The following RHBDF1 variants were observed in gnomAD, a reference collection of about 807,000 sequenced individuals.
RHBDF1 encodes inactive rhomboid protein 1.
A neutral mutation model predicts 98.6 loss-of-function variants in RHBDF1; 80 were observed. The ratio of observed to expected loss-of-function variants is 0.81; its 90% CI spans 0.68 to 0.98. The LOEUF is 0.98. Among genes scored for constraint, RHBDF1 ranks in the 50% least tolerant of loss-of-function variants. The pLI is 0.00. For synonymous variants in RHBDF1, 512 were observed against 486.8 expected, an observed-to-expected ratio of 1.05 and a Z score of -0.68; for missense variants, 1,116 against 1,198.3, an observed-to-expected ratio of 0.93 and a Z score of 1.01.
chr16:72,385 C>T (rs1897996696), intron 1 of RHBDF1, 128 bp downstream of exon 1: 1 of 347,620 alleles, frequency 2.9e-6, no homozygotes, highest in Non-Finnish European at 4.1e-6. Flanking sequence ...CCGGCCCCGG[C>T]CCCGACACGG....
chr16:72,528 C>A lies in RHBDF1; in HGVS notation c.-40G>T. The A allele has an allele frequency of 1.2e-6, 1 of 831,122 alleles. No homozygotes were observed. Among genetic ancestry groups the A allele is most frequent in the South Asian group, 6.1e-5 (1 of 16,488 alleles). 51.5% of individuals were successfully genotyped at this position (831,122 alleles called of 1,614,324 possible). ...GCTCACTCACTGCCGCCGCCGGGGG[C>A]TCTGGGGGGTCCTGAGGGCGCCGGG... On this transcript the variant is annotated 5_prime_UTR_variant, in exon 1 of 18. Coordinates refer to ENST00000262316, the MANE Select transcript of RHBDF1 (RefSeq NM_022450.5).
chr16:62,972 C>T lies in RHBDF1; in HGVS notation c.672+1G>A, dbSNP rs766038326. On this transcript the variant is annotated splice_donor_variant, in intron 5 of 17. Coordinates refer to ENST00000262316, the MANE Select transcript of RHBDF1 (RefSeq NM_022450.5). LOFTEE classifies it high-confidence loss of function. ...ACCCCGCCTTTGGCCCCTGCACCCA[C>T]TTTCATCAGCGCTGCGGCCGCCCGG... is the stretch of plus-strand genomic sequence containing the variant. 1 of 1,612,094 alleles carries T rather than the reference C, an allele frequency of 6.2e-7. No homozygotes were observed. The highest frequency in any genetic ancestry group is 8.5e-7 in the Non-Finnish European group (1 of 1,179,286).
rs757531797 is a variant in RHBDF1, at chr16:62,905, C to G, written c.673-8G>C. 1.2e-6 allele frequency: 2 copies of G among 1,613,560 alleles called. No individual in the cohort carries two copies. Among genetic ancestry groups the G allele is most frequent in the South Asian group, 1.1e-5 (1 of 91,092 alleles). On this transcript the variant is annotated splice_polypyrimidine_tract_variant and splice_region_variant and intron_variant, in intron 5 of 17. Transcript: ENST00000262316. ...ATCCCTAACGGAGCGGCCCTGGGGA[C>G]GGGGAAGTGAGCATGAGACCCGGCT...
At position 60,257 on chromosome 16, in the gene RHBDF1, C is replaced by T. The variant is rs199726299; in HGVS notation, c.1681G>A (p.Glu561Lys). The change falls in exon 13 of 18, where the codon GAA (glutamate) becomes AAA (lysine). Residue 561 changes from glutamate (E) to lysine (K), a missense_variant. Physicochemically the swap from Glu to Lys is moderately conservative, Grantham distance 56 (BLOSUM62 1). Transcript: ENST00000262316. ...TCTTCTGGCCACTCATGAGGGTCTT[C>T]GGAGGAGGGCTCATCACACACCCTG... ...DPRVCDEPSS[E>K]DPHEWPEDIT... 9.9e-6 allele frequency: 16 copies of T among 1,614,032 alleles called. No homozygotes were observed. Among genetic ancestry groups the T allele is most frequent in the African/African-American group, 1.3e-5 (1 of 75,028 alleles).
At position 63,620 on chromosome 16, in the gene RHBDF1, G is replaced by A; in HGVS notation, c.429C>T (p.Leu143=). ...TGCCCAGCTGGCATGGCCCCACGTA[G>A]AGTGGGGGTGGCGTCTCGGTGCTGG... ...SLTSTETPPP[L]YVGPCQLGMQ... The change falls in exon 4 of 18, where the codon CTC becomes CTT. Residue 143 remains leucine (L), a synonymous_variant. Transcript: ENST00000262316. 1.3e-6 allele frequency: 2 copies of A among 1,585,928 alleles called. No individual in the cohort carries two copies. The highest frequency in any genetic ancestry group is 1.1e-5 in the South Asian group (1 of 88,194).
At chr16:68,232 C>T (rs776388636) in intron 1 of RHBDF1, among the ~76,000 whole-genome samples, 15 of 152,232 alleles carry the variant, frequency 9.9e-5, no homozygotes, top group Non-Finnish European at 2.2e-4. Flanking sequence ...AGTTATAGGT[C>T]CTGCGGGTGG....
chr16:58,479 A>G lies in RHBDF1; in HGVS notation c.2429T>C (p.Val810Ala). ...KRCQIIIFQV[V>A]FLGLLAGLVV... is the part of the protein sequence containing the mutation. ...CAGGCCAGCCAGGAGGCCCAGGAAG[A>G]CCACCTGAAAGATGATGATCTGGCA... is the stretch of plus-strand genomic sequence containing the variant. Residue 810 changes from valine (V) to alanine (A), a missense_variant, in exon 18 of 18, where the codon GTC becomes GCC. Coordinates refer to ENST00000262316, the MANE Select transcript of RHBDF1 (RefSeq NM_022450.5). 6.2e-7 allele frequency: 1 copy of G among 1,614,112 alleles called. No individual in the cohort carries two copies. The highest frequency in any genetic ancestry group is 8.5e-7 in the Non-Finnish European group (1 of 1,180,034).
In RHBDF1 at chr16:63,579, AGGCATACCTTC is replaced by A; in HGVS notation, c.459_462+7del. On this transcript the variant is annotated splice_donor_variant and splice_donor_5th_base_variant and coding_sequence_variant and intron_variant, in exon 4 of 18. Coordinates refer to ENST00000262316, the MANE Select transcript of RHBDF1 (RefSeq NM_022450.5). LOFTEE classifies it high-confidence loss of function. ...GGGCCTGCAGGAGGCAGCAACAGGC[AGGCATACCTTC>A]TGCATGCCCAGCTGGCATGGCCCCA... The A allele has an allele frequency of 6.5e-7, 1 of 1,533,330 alleles. No individual in the cohort carries two copies. Among genetic ancestry groups the A allele is most frequent in the Non-Finnish European group, 8.8e-7 (1 of 1,140,292 alleles). The allele number at this position is 1,533,330 out of a possible 1,614,324, so 95.0% of individuals were successfully genotyped here. A position where few individuals can be genotyped will look rare whatever the true frequency, so the allele number is the denominator to read the frequency against.
In RHBDF1 at chr16:63,044, G is replaced by T; in HGVS notation, c.601C>A (p.Arg201=). 1 of 1,612,884 alleles carries T rather than the reference G, an allele frequency of 6.2e-7. No homozygotes were observed. Among genetic ancestry groups the T allele is most frequent in the Non-Finnish European group, 8.5e-7 (1 of 1,179,826 alleles). ...SFSSSRSGFH[R]LPRRRKRESV... is the part of the protein sequence containing the mutation. ...TCTCGCTTGCGCCGCCGCGGGAGCCGGTGGAAACCTGAGCGGGAGCTGGAG... is the reference window on the plus strand; with the variant it reads ...TCTCGCTTGCGCCGCCGCGGGAGCCTGTGGAAACCTGAGCGGGAGCTGGAG... Residue 201 remains arginine (R), a synonymous_variant, in exon 5 of 18, where the codon CGG becomes AGG. Transcript: ENST00000262316.
chr16:61,249 C>A lies in RHBDF1; in HGVS notation c.1428G>T (p.Ser476=). 1 of 1,545,114 alleles carries A rather than the reference C, an allele frequency of 6.5e-7. No individual in the cohort carries two copies. Among genetic ancestry groups the A allele is most frequent in the Admixed American group, 2.0e-5 (1 of 50,804 alleles). The part of the protein sequence containing the change: ...EALIHLGAKF[S]PCMRQDPQVH... ...CCTGCGGGTCCTGGCGCATGCAGGG[C>A]GAAAACTTGGCGCCCAGGTGGATGA... Residue 476 remains serine (S), a synonymous_variant, in exon 11 of 18, where the codon TCG becomes TCT. Transcript: ENST00000262316.
Position 58,061 on chromosome 16 carries a change from A to G in RHBDF1, c.*279T>C. 1 of 363,368 alleles carries G rather than the reference A, an allele frequency of 2.8e-6. No individual in the cohort carries two copies. Among genetic ancestry groups the G allele is most frequent in the Non-Finnish European group, 5.0e-6 (1 of 199,522 alleles). The allele number at this position is 363,368 out of a possible 1,614,324, so 22.5% of individuals were successfully genotyped here. On this transcript the variant is annotated 3_prime_UTR_variant, in exon 18 of 18. Coordinates refer to ENST00000262316, the MANE Select transcript of RHBDF1 (RefSeq NM_022450.5). ...AAAGAAGGATAGGGAAGCCCTGGTC[A>G]AGTTAATGGCAGCTAAAACGCTCCC...
rs1317124388 is a variant in RHBDF1 at position 60,197 on chromosome 16, C to T, written c.1722+19G>A. The T allele has an allele frequency of 6.2e-7, 1 of 1,607,190 alleles. No homozygotes were observed. Among genetic ancestry groups the T allele is most frequent in the Non-Finnish European group, 8.5e-7 (1 of 1,174,590 alleles). ...CATGACACGGAGGGCTCCCTAACAA[C>T]CCCCCCACTGCAGCTCACCGGCCAC... On this transcript the variant is annotated intron_variant, in intron 13 of 17. Coordinates refer to ENST00000262316, the MANE Select transcript of RHBDF1 (RefSeq NM_022450.5).
chr16:59,298 C>T lies in RHBDF1; in HGVS notation c.1945G>A (p.Val649Met). 1 of 1,611,664 alleles carries T rather than the reference C, an allele frequency of 6.2e-7. No homozygotes were observed. Among genetic ancestry groups the T allele is most frequent in the East Asian group, 2.2e-5 (1 of 44,876 alleles). ...CACAGGCGGTAGAACTGGTCAGGCA[C>T]CTCGGGGTTGAGAAAAGGCAGGAGC... The part of the protein sequence containing the change: ...CGLLPFLNPE[V>M]PDQFYRLWLS... The change falls in exon 16 of 18, where the codon GTG becomes ATG. Residue 649 changes from valine to methionine, a missense_variant. Coordinates refer to ENST00000262316, the MANE Select transcript of RHBDF1 (RefSeq NM_022450.5).
rs1400096760 is a variant in RHBDF1 at position 59,752 on chromosome 16, G to C, written c.1797C>G (p.Cys599Trp). The change falls in exon 14 of 18, where the codon TGC becomes TGG. Residue 599 changes from cysteine (C) to tryptophan (W), a missense_variant. Coordinates refer to ENST00000262316, the MANE Select transcript of RHBDF1 (RefSeq NM_022450.5). ...CGTACCTGCCCTTGGTGCCAATGCA[G>C]CAGGGCCGTCCTGTGATGACACAGT... Reference protein sequence around the residue: ...HMDCVITGRPCCIGTKGRCEI... With the variant: ...HMDCVITGRPWCIGTKGRCEI... 1 of 1,614,110 alleles carries C rather than the reference G, an allele frequency of 6.2e-7. No homozygotes were observed. The highest frequency in any genetic ancestry group is 1.7e-5 in the Admixed American group (1 of 60,014).
At position 62,162 on chromosome 16, in the gene RHBDF1, G is replaced by C. The variant is rs1897657788; in HGVS notation, c.954-110C>G. ...CTATCCTGGCGAATATACTGCGCAA[G>C]TCGCCCGGCATCTGCCTTCTCCTTG... On this transcript the variant is annotated intron_variant, in intron 7 of 17. Transcript: ENST00000262316. The C allele has an allele frequency of 2.8e-5, 38 of 1,373,476 alleles. No homozygotes were observed. The South Asian group carries it at 5.4e-4, about 19-fold the overall frequency. 85.1% of individuals were successfully genotyped at this position (1,373,476 alleles called of 1,614,324 possible).
chr16:59,470 G>C lies in RHBDF1; in HGVS notation c.1842C>G (p.Tyr614Ter). ...KGRCEITSREYCDFMRGYFHE... is the reference protein window; with the variant it reads ...KGRCEITSRE ...GGAAGTAGCCCCTCATGAAGTCACA[G>C]TACTCCCGGGAGGTGATCTCACACC... The change falls in exon 15 of 18, where the codon TAC becomes TAG. Residue 614 changes from tyrosine (Y) to a stop codon, truncating the protein, a stop_gained. Coordinates refer to ENST00000262316, the MANE Select transcript of RHBDF1 (RefSeq NM_022450.5). LOFTEE classifies it high-confidence loss of function. The C allele has an allele frequency of 6.2e-7, 1 of 1,613,656 alleles. No individual in the cohort carries two copies. The highest frequency in any genetic ancestry group is 1.1e-5 in the South Asian group (1 of 91,088).
upstream of RHBDF1, among the ~76,000 whole-genome samples, chr16:72,884 T>A (rs3826235): frequency 0.19 from 28,996 of 152,130 alleles, 6,223 homozygotes; most frequent in African/African-American, 0.52. Flanking sequence ...CGCCTCTCCC[T>A]GGCTCCAGAT....
intron 4 of RHBDF1, 30 bp downstream of exon 4, chr16:63,557 C>G (rs780296205): frequency 4.0e-6 from 6 of 1,504,870 alleles, no homozygotes; most frequent in Non-Finnish European, 5.4e-6. Context: ...GAAGGAGGGG[C>G]CTGCAGGAGG....
intron 1 of RHBDF1, among the ~76,000 whole-genome samples, chr16:70,087 T>C (rs1296761903): frequency 1.3e-5 from 2 of 151,970 alleles, no homozygotes; most frequent in Non-Finnish European, 2.9e-5. Context: ...CCTGACTCAG[T>C]TGGGTCTGAC....
Sources: allele counts gnomAD v4.1 joint callset (sites outside exome capture counted in the v4.1 genomes callset), GRCh38; gene constraint gnomAD v4.1.1; transcripts MANE v1.5; gene names NCBI Gene and HGNC (gene_info 2026-07-23, HGNC 2026-07-21).